Variants in COL24A1 observed in about 807,000 individuals in gnomAD.
COL24A1 encodes collagen type XXIV alpha 1 chain.
COL24A1 carries 224 observed loss-of-function variants against 253.9 expected under a neutral mutation model. That is an observed-to-expected ratio of 0.88 (90% CI 0.79 to 0.99). COL24A1 has a LOEUF of 0.99. Among genes scored for constraint, COL24A1 ranks in the 50% least tolerant of loss-of-function variants. The pLI is 0.00. For missense variants in COL24A1, 2,131 were observed against 2,068.5 expected (o/e 1.03, Z -0.59); for synonymous variants, 685 against 673.7 (o/e 1.02, Z -0.26).
chr1:86,031,194 C>T (rs1698537665), intron 14 of COL24A1, among the ~76,000 whole-genome samples: 1 of 152,024 alleles, frequency 6.6e-6, no homozygotes, highest in South Asian at 2.1e-4. Context: ...AAGCCAGGCA[C>T]AGAAAGGTAA....
chr1:86,142,176 C>T (rs183731360), intron 2 of COL24A1, among the ~76,000 whole-genome samples: 5 of 150,516 alleles, frequency 3.3e-5, no homozygotes, highest in African/African-American at 1.2e-4. Flanking sequence ...ATCAAAGAAA[C>T]GAGAACAGGA....
chr1:86,142,188 G>GA (rs536712197), intron 2 of COL24A1, among the ~76,000 whole-genome samples: 2,338 of 141,730 alleles, frequency 0.016, 32 homozygotes, highest in Middle Eastern at 0.047. Context: ...AGAACAGGAT[G>GA]AAAAAAAAAA....
intron 12 of COL24A1, among the ~76,000 whole-genome samples, chr1:86,041,361 A>G (rs1454662868): frequency 6.6e-6 from 1 of 152,168 alleles, no homozygotes; most frequent in Non-Finnish European, 1.5e-5. Context: ...AGCAATTCCC[A>G]TCTCCAATTT....
chr1:85,919,399 C>A (rs1389697907), intron 24 of COL24A1, among the ~76,000 whole-genome samples: 2 of 152,166 alleles, frequency 1.3e-5, no homozygotes. Context: ...GGGGCCTGGG[C>A]CAGGCATGGT....
At chr1:86,091,861 T>C (rs1027568605) in intron 6 of COL24A1, among the ~76,000 whole-genome samples, 4 of 152,128 alleles carry the variant, frequency 2.6e-5, no homozygotes, top group Non-Finnish European at 5.9e-5. Flanking sequence ...GAGAGTACCA[T>C]GGTACTTAAA....
intron 2 of COL24A1, among the ~76,000 whole-genome samples, chr1:86,141,611 C>G (rs928341167): frequency 6.6e-6 from 1 of 152,112 alleles, no homozygotes; most frequent in African/African-American, 2.4e-5. Flanking sequence ...AATAGTCAGA[C>G]AGGTTTCTAC....
chr1:85,983,668 A>G (rs1029599450), intron 20 of COL24A1, among the ~76,000 whole-genome samples: 1 of 151,858 alleles, frequency 6.6e-6, no homozygotes, highest in African/African-American at 2.4e-5. Flanking sequence ...TATAAAAATG[A>G]AAGAAGTTTC....
chr1:85,925,271 C>T (rs1294387220), intron 24 of COL24A1, among the ~76,000 whole-genome samples: 1 of 152,130 alleles, frequency 6.6e-6, no homozygotes, highest in Non-Finnish European at 1.5e-5. Flanking sequence ...AGATTCAATG[C>T]CATCCCCATG....
chr1:85,894,517 G>T (rs1683452401), intron 31 of COL24A1, among the ~76,000 whole-genome samples: 1 of 146,286 alleles, frequency 6.8e-6, no homozygotes, highest in South Asian at 2.3e-4. Context: ...AATACAAAAT[G>T]AATAAGTAAT....
intron 24 of COL24A1, among the ~76,000 whole-genome samples, chr1:85,925,477 A>G (rs1369753470): frequency 2.0e-5 from 3 of 152,164 alleles, no homozygotes; most frequent in Non-Finnish European, 4.4e-5. Flanking sequence ...AAACAGAGCT[A>G]TAGATCAATG....
intron 19 of COL24A1, 135 bp downstream of exon 19, chr1:86,017,016 G>C (rs1697055046): frequency 1.2e-6 from 1 of 822,538 alleles, no homozygotes; most frequent in African/African-American, 1.8e-5. Context: ...AAAAAATGTA[G>C]TCCAAACTAT....
chr1:85,944,108 T>C (rs1689006116), intron 24 of COL24A1, among the ~76,000 whole-genome samples: 1 of 152,242 alleles, frequency 6.6e-6, no homozygotes, highest in Non-Finnish European at 1.5e-5. Context: ...AAAGATTATA[T>C]GGCTATGTGC....
chr1:85,949,394 T>C (rs1034258413), intron 24 of COL24A1, among the ~76,000 whole-genome samples: 1 of 152,152 alleles, frequency 6.6e-6, no homozygotes, highest in Non-Finnish European at 1.5e-5. Context: ...TATTTTCAGC[T>C]TGGATATTTA....
intron 24 of COL24A1, among the ~76,000 whole-genome samples, chr1:85,940,153 C>A (rs1688609366): frequency 1.3e-5 from 1 of 79,252 alleles, no homozygotes; most frequent in African/African-American, 3.9e-5. Flanking sequence ...GCCTGTAATC[C>A]CAGCACTTTG....
intron 19 of COL24A1, among the ~76,000 whole-genome samples, chr1:85,997,375 C>T (rs1324451874): frequency 6.6e-6 from 1 of 151,966 alleles, no homozygotes; most frequent in Admixed American, 6.6e-5. Flanking sequence ...AAACATTATT[C>T]CCCATTTCTC....
chr1:85,976,548 C>G (rs758517973), intron 20 of COL24A1, among the ~76,000 whole-genome samples: 3 of 152,134 alleles, frequency 2.0e-5, no homozygotes, highest in Non-Finnish European at 4.4e-5. Context: ...ACTTCTCTAC[C>G]CGCCTAGTAG....
chr1:85,828,112 G>T (rs949697203), intron 43 of COL24A1, among the ~76,000 whole-genome samples: 1 of 151,972 alleles, frequency 6.6e-6, no homozygotes, highest in African/African-American at 2.4e-5. Flanking sequence ...AGAGATTCTG[G>T]TATGTTGTGT....
chr1:85,851,753 C>T (rs150644216), intron 37 of COL24A1, among the ~76,000 whole-genome samples: 23 of 152,140 alleles, frequency 1.5e-4, no homozygotes, highest in African/African-American at 4.8e-4. Context: ...ATCTTGTGCC[C>T]GTTATTCTAC....
intron 7 of COL24A1, among the ~76,000 whole-genome samples, chr1:86,087,749 G>A (rs565090795): frequency 1.2e-4 from 19 of 152,302 alleles, no homozygotes; most frequent in African/African-American, 4.3e-4. Flanking sequence ...GTAGTCAGAT[G>A]TATACTCAGT....
Sources: gnomAD v4.1 joint callset for allele counts (sites outside exome capture counted in the v4.1 genomes callset) on GRCh38, gnomAD v4.1.1 for gene constraint, MANE v1.5 for transcripts, NCBI Gene and HGNC (gene_info 2026-07-23, HGNC 2026-07-21) for gene names.